ADAMTS17: variants seen among roughly 807,000 people sequenced by gnomAD.
The protein encoded by ADAMTS17 is ADAM metallopeptidase with thrombospondin type 1 motif 17, also known as A disintegrin and metalloproteinase with thrombospondin motifs 17.
Under a neutral mutation model 141.5 loss-of-function variants are expected in ADAMTS17, and 113 were observed. That is an observed-to-expected ratio of 0.80 (90% CI 0.69 to 0.93). The LOEUF (loss-of-function observed/expected upper bound fraction) is 0.93, where lower values mean the gene tolerates loss of function less well. Among genes scored for constraint, ADAMTS17 ranks in the 40% least tolerant of loss-of-function variants. The pLI is 0.00. For synonymous variants in ADAMTS17, 768 were observed against 630.6 expected, an observed-to-expected ratio of 1.22 and a Z score of -3.27; for missense variants, 1,659 against 1,517.9, an observed-to-expected ratio of 1.09 and a Z score of -1.54.
intron 7 of ADAMTS17, among the ~76,000 whole-genome samples, chr15:100,252,138 A>C (rs1035666063): frequency 6.6e-6 from 1 of 152,250 alleles, no homozygotes; most frequent in Non-Finnish European, 1.5e-5. Context: ...GGATATAATC[A>C]CAATTAATGG....
chr15:100,225,978 T>G (rs1272550067), intron 7 of ADAMTS17, among the ~76,000 whole-genome samples: 21 of 151,718 alleles, frequency 1.4e-4, no homozygotes, highest in African/African-American at 4.6e-4. Flanking sequence ...TCTGTGCCAT[T>G]CAGTCCTTAT....
At chr15:99,995,830 T>G (rs758391491) in intron 19 of ADAMTS17, among the ~76,000 whole-genome samples, 22 of 152,224 alleles carry the variant, frequency 1.4e-4, no homozygotes, top group Non-Finnish European at 2.6e-4. Context: ...GGAAGCATTT[T>G]GCTCAAGCCT....
At chr15:100,142,858 T>A (rs2038725267) in intron 10 of ADAMTS17, among the ~76,000 whole-genome samples, 1 of 152,230 alleles carries the variant, frequency 6.6e-6, no homozygotes, top group African/African-American at 2.4e-5. Context: ...CTGAAATGAT[T>A]GGCTGACAGC....
At chr15:100,050,503 G>A (rs2032057008) in intron 17 of ADAMTS17, among the ~76,000 whole-genome samples, 1 of 152,338 alleles carries the variant, frequency 6.6e-6, no homozygotes, top group African/African-American at 2.4e-5. Context: ...CTGCCGCAGG[G>A]CTGTTGCAGG....
chr15:100,237,787 C>G (rs1315911345), intron 7 of ADAMTS17, among the ~76,000 whole-genome samples: 1 of 152,152 alleles, frequency 6.6e-6, no homozygotes, highest in Non-Finnish European at 1.5e-5. Flanking sequence ...CCACGCCTGG[C>G]CAATTTTTAT....
intron 15 of ADAMTS17, among the ~76,000 whole-genome samples, chr15:100,058,646 C>T (rs764023273): frequency 6.6e-5 from 10 of 152,192 alleles, no homozygotes; most frequent in African/African-American, 1.4e-4. Flanking sequence ...CTTCTGCCAT[C>T]GGAGGCCCGA....
At position 100,203,026 on chromosome 15, in the gene ADAMTS17, A is replaced by C. The variant is rs2041394613; in HGVS notation, c.1076-3603T>G. Among the ~76,000 whole-genome samples the C allele has an allele frequency of 2.0e-5, 3 of 152,210 alleles. 1 individual carries two copies. The South Asian group carries it at 6.2e-4, about 32-fold the overall frequency. On this transcript the variant is annotated intron_variant, in intron 7 of 21. Transcript: ENST00000268070. ...TCCACATGTTTGCATAGTTTCTCGT[A>C]ACAAAACGGAGGCAGAAAGGCAACT...
At chr15:100,264,521 A>C (rs552426469) in intron 4 of ADAMTS17, among the ~76,000 whole-genome samples, 1 of 152,236 alleles carries the variant, frequency 6.6e-6, no homozygotes, top group East Asian at 1.9e-4. Flanking sequence ...ACATTAAGGA[A>C]TACTACAGAT....
intron 18 of ADAMTS17, among the ~76,000 whole-genome samples, chr15:100,047,110 GA>G (rs2031757230): frequency 1.3e-5 from 2 of 151,914 alleles, no homozygotes; most frequent in Non-Finnish European, 1.5e-5. Flanking sequence ...CTATGGTTGA[GA>G]CAGTAGGCAT....
At chr15:100,118,770 C>G (rs893457535) in intron 12 of ADAMTS17, among the ~76,000 whole-genome samples, 11 of 152,132 alleles carry the variant, frequency 7.2e-5, no homozygotes, top group African/African-American at 2.4e-4. Flanking sequence ...GTAGGAGAAA[C>G]ATCACCCTGG....
intron 3 of ADAMTS17, among the ~76,000 whole-genome samples, chr15:100,307,100 T>C (rs867937152): frequency 1.6e-4 from 25 of 152,336 alleles, no homozygotes; most frequent in South Asian, 6.2e-4. Flanking sequence ...AGAGGGCTTC[T>C]AGAGTTTTGC....
chr15:100,089,394 C>G (rs2140984799), intron 15 of ADAMTS17, among the ~76,000 whole-genome samples: 1 of 148,914 alleles, frequency 6.7e-6, no homozygotes, highest in Admixed American at 6.7e-5. Flanking sequence ...GGATTGTAAA[C>G]TAGTTCAACC....
intron 20 of ADAMTS17, among the ~76,000 whole-genome samples, chr15:99,987,314 A>ATGC (rs542154978): frequency 0.02 from 2,974 of 152,084 alleles, 91 homozygotes; most frequent in African/African-American, 0.062. Flanking sequence ...CCTGCTTAGC[A>ATGC]TGCTGCTGCT....
At chr15:100,021,388 C>T (rs564705367) in intron 18 of ADAMTS17, among the ~76,000 whole-genome samples, 19 of 152,296 alleles carry the variant, frequency 1.2e-4, no homozygotes, top group African/African-American at 3.1e-4. Context: ...CCAACCACCA[C>T]GAAGGATCTC....
chr15:100,275,630 C>G (rs1041207995), intron 4 of ADAMTS17, among the ~76,000 whole-genome samples: 6 of 152,102 alleles, frequency 3.9e-5, no homozygotes, highest in Non-Finnish European at 7.3e-5. Context: ...GGCTCTGCAC[C>G]CTGGCTGTGT....
chr15:100,096,760 G>A (rs1410042249), intron 14 of ADAMTS17, among the ~76,000 whole-genome samples: 2 of 152,238 alleles, frequency 1.3e-5, no homozygotes. Flanking sequence ...TGGGGGTCAC[G>A]CTGAGGCCTG....
chr15:100,162,491 A>T (rs2039748598), intron 8 of ADAMTS17, among the ~76,000 whole-genome samples: 1 of 128,770 alleles, frequency 7.8e-6, no homozygotes, highest in Non-Finnish European at 1.6e-5. Context: ...ATATATATGC[A>T]CATATACACA....
intron 8 of ADAMTS17, among the ~76,000 whole-genome samples, chr15:100,196,571 A>G (rs2041125807): frequency 6.6e-6 from 1 of 152,248 alleles, no homozygotes; most frequent in Non-Finnish European, 1.5e-5. Context: ...CCCTCCAGAA[A>G]TGTTTCACTT....
intron 3 of ADAMTS17, among the ~76,000 whole-genome samples, chr15:100,315,215 A>G (rs1420698362): frequency 6.6e-6 from 1 of 152,164 alleles, no homozygotes; most frequent in Non-Finnish European, 1.5e-5. Flanking sequence ...CCAGGTATCC[A>G]CTGCAGGGAT....
Sources: gnomAD v4.1 joint callset for allele counts (sites outside exome capture counted in the v4.1 genomes callset) on GRCh38, gnomAD v4.1.1 for gene constraint, MANE v1.5 for transcripts, NCBI Gene and HGNC (gene_info 2026-07-23, HGNC 2026-07-21) for gene names.